The following NRXN1 variants were observed in gnomAD, a reference collection of about 807,000 sequenced individuals.
NRXN1 encodes neurexin-1.
NRXN1 carries 39 observed loss-of-function variants against 150.9 expected under a neutral mutation model. The ratio of observed to expected loss-of-function variants is 0.26; its 90% CI spans 0.20 to 0.34. NRXN1 has a LOEUF of 0.34. Among genes scored for constraint, NRXN1 ranks in the 10% least tolerant of loss-of-function variants. NRXN1 has a pLI of 1.00. For synonymous variants in NRXN1, 924 were observed against 757.0 expected (o/e 1.22, Z -3.62); for missense variants, 1,815 against 1,949.9 (o/e 0.93, Z 1.30).
chr2:50,071,375 T>G (rs1285091565), intron 19 of NRXN1, among the ~76,000 whole-genome samples: 2 of 152,174 alleles, frequency 1.3e-5, no homozygotes, highest in Non-Finnish European at 2.9e-5. Context: ...CCTCAGAATG[T>G]GATGGTTTCT....
intron 18 of NRXN1, among the ~76,000 whole-genome samples, chr2:50,205,008 T>C (rs1249872379): frequency 2.0e-5 from 3 of 152,050 alleles, no homozygotes; most frequent in African/African-American, 7.2e-5. Context: ...ACTAATCCTA[T>C]ATATGAAGTG....
chr2:50,338,707 G>GA (rs56387541), intron 17 of NRXN1, among the ~76,000 whole-genome samples: 3,570 of 135,186 alleles, frequency 0.026, 114 homozygotes, highest in African/African-American at 0.089. Context: ...ATTAGAAAGA[G>GA]AAAAAAAAAA....
chr2:49,970,692 A>G (rs1025659956), intron 21 of NRXN1: 1 of 152,126 alleles, frequency 6.6e-6, no homozygotes, highest in African/African-American at 2.4e-5. Context: ...CTCTAGTGTA[A>G]ATTTTAAAAA....
intron 19 of NRXN1, among the ~76,000 whole-genome samples, chr2:50,086,156 AAAATT>A (rs1698748712): frequency 6.6e-6 from 1 of 152,222 alleles, no homozygotes; most frequent in African/African-American, 2.4e-5. Context: ...GATACTTTGA[AAAATT>A]AAATTAAACA....
chr2:50,809,883 C>T (rs1294889726), intron 5 of NRXN1, among the ~76,000 whole-genome samples: 1 of 152,156 alleles, frequency 6.6e-6, no homozygotes, highest in Non-Finnish European at 1.5e-5. Flanking sequence ...TCTGTTCTTT[C>T]AACAATGAAA....
chr2:50,722,120 A>G (rs1012909058), intron 5 of NRXN1, among the ~76,000 whole-genome samples: 1 of 152,180 alleles, frequency 6.6e-6, no homozygotes, highest in Non-Finnish European at 1.5e-5. Flanking sequence ...GACTCTATCA[A>G]TCTTTTGCCC....
Position 50,273,621 on chromosome 2 carries a change from A to G in NRXN1, c.3365-36651T>C, listed in dbSNP as rs147834220. On this transcript the variant is annotated intron_variant, in intron 17 of 22. Transcript: ENST00000401669. ...ATTTAAAATAACAATAGAATTGAAA[A>G]CCTGACATAGGAAGGGCCTGATACA... Among the ~76,000 whole-genome samples the G allele has an allele frequency of 5.0e-4, 76 of 152,200 alleles. No homozygotes were observed. The East Asian group carries it at 0.012, about 24-fold the overall frequency.
intron 17 of NRXN1, among the ~76,000 whole-genome samples, chr2:50,237,759 C>CA (rs1292759448): frequency 6.6e-6 from 1 of 151,882 alleles, no homozygotes; most frequent in Non-Finnish European, 1.5e-5. Flanking sequence ...CTTTTTCAAA[C>CA]AAATTTATTC....
chr2:50,934,342 C>T (rs531260335), intron 2 of NRXN1, among the ~76,000 whole-genome samples: 1 of 152,224 alleles, frequency 6.6e-6, no homozygotes, highest in African/African-American at 2.4e-5. Flanking sequence ...AAACATTTTA[C>T]CTTACTAATA....
At chr2:50,014,095 GTTTTTT>G (rs200994555) in intron 21 of NRXN1, among the ~76,000 whole-genome samples, 14 of 148,510 alleles carry the variant, frequency 9.4e-5, no homozygotes, top group Admixed American at 2.7e-4. Flanking sequence ...TAAAGAGCTT[GTTTTTT>G]TTTTGTTTTT....
chr2:50,634,149 G>A (rs937408429), intron 5 of NRXN1, among the ~76,000 whole-genome samples: 1 of 152,186 alleles, frequency 6.6e-6, no homozygotes, highest in Non-Finnish European at 1.5e-5. Context: ...TTTATTCGAT[G>A]CACAATGGGA....
At chr2:50,344,217 T>C (rs1315333297) in intron 17 of NRXN1, among the ~76,000 whole-genome samples, 1 of 152,080 alleles carries the variant, frequency 6.6e-6, no homozygotes, top group Non-Finnish European at 1.5e-5. Context: ...TCACCCCATT[T>C]CTCCATCCCC....
chr2:50,530,833 A>G (rs1393854412), intron 11 of NRXN1, among the ~76,000 whole-genome samples: 1 of 152,220 alleles, frequency 6.6e-6, no homozygotes. Flanking sequence ...TATTTTGTGC[A>G]AATCCTTTCT....
intron 2 of NRXN1, among the ~76,000 whole-genome samples, chr2:51,011,296 T>C (rs1667823516): frequency 6.6e-6 from 1 of 152,032 alleles, no homozygotes; most frequent in Non-Finnish European, 1.5e-5. Flanking sequence ...ATTGAACTCC[T>C]ACAGTGGGCC....
At chr2:50,097,142 T>C (rs1380897964) in intron 18 of NRXN1, among the ~76,000 whole-genome samples, 2 of 152,218 alleles carry the variant, frequency 1.3e-5, no homozygotes, top group South Asian at 2.1e-4. Context: ...GGCTCAACTA[T>C]GCTCAGGAAC....
intron 18 of NRXN1, among the ~76,000 whole-genome samples, chr2:50,186,613 A>T (rs1405341306): frequency 6.6e-6 from 1 of 152,040 alleles, no homozygotes; most frequent in East Asian, 1.9e-4. Context: ...TGATTTGGCC[A>T]GGTTCCTTGT....
chr2:50,978,154 A>AAGAAAC (rs1230268703), intron 2 of NRXN1, among the ~76,000 whole-genome samples: 1 of 150,236 alleles, frequency 6.7e-6, no homozygotes, highest in African/African-American at 2.4e-5. Context: ...AAATAGGAAA[A>AAGAAAC]AGAAACAGAT....
chr2:49,996,689 G>T (rs1314378112), intron 21 of NRXN1, among the ~76,000 whole-genome samples: 1 of 152,154 alleles, frequency 6.6e-6, no homozygotes, highest in Non-Finnish European at 1.5e-5. Context: ...ACTGAGGAAT[G>T]CAGGTGGCTT....
chr2:49,921,034 G>T lies in NRXN1; in HGVS notation c.*910C>A, dbSNP rs1668111498. 1 of 152,236 alleles carries T rather than the reference G, an allele frequency of 6.6e-6. No homozygotes were observed. Among genetic ancestry groups the T allele is most frequent in the Non-Finnish European group, 1.5e-5 (1 of 67,986 alleles). The allele number at this position is 152,236 out of a possible 1,614,324, so 9.4% of individuals were successfully genotyped here. ...AAAGAAAAACCCAACTGAAATAATT[G>T]TTGCTCTGATGTCATAAAACTCCCT... On this transcript the variant is annotated 3_prime_UTR_variant, in exon 23 of 23. Transcript: ENST00000401669.
Sources: allele counts gnomAD v4.1 joint callset (sites outside exome capture counted in the v4.1 genomes callset), GRCh38; gene constraint gnomAD v4.1.1; transcripts MANE v1.5; gene names NCBI Gene and HGNC (gene_info 2026-07-23, HGNC 2026-07-21).